Variants in SNX29 observed in about 807,000 individuals in gnomAD.
The protein encoded by SNX29 is sorting nexin-29.
Under a neutral mutation model 102.1 loss-of-function variants are expected in SNX29, and 78 were observed. The ratio of observed to expected loss-of-function variants is 0.76; its 90% CI spans 0.64 to 0.92. The LOEUF is 0.92. Ranked by LOEUF, SNX29 falls within the 40% of genes least tolerant of loss-of-function variation. SNX29 has a pLI of 0.00. For synonymous variants in SNX29, 580 were observed against 414.5 expected (o/e 1.40, Z -4.85); for missense variants, 1,280 against 1,061.7 (o/e 1.21, Z -2.86).
intron 9 of SNX29, 84 bp downstream of exon 9, chr16:12,061,730 G>T: frequency 2.4e-6 from 3 of 1,247,018 alleles, no homozygotes; most frequent in Non-Finnish European, 2.3e-6. Flanking sequence ...CCCTGGACAG[G>T]TAGGAATGGG....
intron 19 of SNX29, among the ~76,000 whole-genome samples, chr16:12,487,149 C>G (rs888402254): frequency 2.0e-5 from 3 of 152,110 alleles, no homozygotes; most frequent in Non-Finnish European, 4.4e-5. Context: ...GTAAAGTGCT[C>G]AGAACAGTGT....
intron 11 of SNX29, among the ~76,000 whole-genome samples, chr16:12,079,772 G>T (rs570199959): frequency 1.3e-5 from 2 of 152,308 alleles, no homozygotes; most frequent in South Asian, 4.1e-4. Context: ...CAGAGACCGG[G>T]ACTCCTCCTG....
intron 15 of SNX29, among the ~76,000 whole-genome samples, chr16:12,317,672 T>G: frequency 6.6e-6 from 1 of 152,236 alleles, no homozygotes; most frequent in East Asian, 1.9e-4. Flanking sequence ...TCACAGGGAC[T>G]AAGTGTGTCT....
At chr16:12,385,947 C>T (rs1291592919) in intron 16 of SNX29, among the ~76,000 whole-genome samples, 1 of 152,218 alleles carries the variant, frequency 6.6e-6, no homozygotes, top group Non-Finnish European at 1.5e-5. Context: ...CTGAGGGACA[C>T]ATCACATCTC....
chr16:12,204,707 G>T (rs891576004), intron 14 of SNX29, among the ~76,000 whole-genome samples: 2 of 152,222 alleles, frequency 1.3e-5, no homozygotes, highest in Non-Finnish European at 2.9e-5. Context: ...TTTGTTCTCA[G>T]AAACAAGCAA....
intron 14 of SNX29, among the ~76,000 whole-genome samples, chr16:12,223,437 G>C (rs904432010): frequency 6.6e-6 from 1 of 152,204 alleles, no homozygotes; most frequent in Non-Finnish European, 1.5e-5. Context: ...TGAGGAGGGT[G>C]GATCACCTGA....
chr16:12,175,955 A>C (rs193160763), intron 13 of SNX29, among the ~76,000 whole-genome samples: 28 of 152,278 alleles, frequency 1.8e-4, no homozygotes, highest in Admixed American at 3.9e-4. Context: ...ACAGTGAGCT[A>C]TGATTGTGTC....
intron 18 of SNX29, among the ~76,000 whole-genome samples, chr16:12,464,444 TC>T (rs1003991449): frequency 6.6e-5 from 10 of 152,114 alleles, no homozygotes; most frequent in African/African-American, 2.4e-4. Flanking sequence ...TTTTAAAGTT[TC>T]ATTTTATTTT....
intron 20 of SNX29, among the ~76,000 whole-genome samples, chr16:12,565,745 A>C (rs751258812): frequency 6.6e-6 from 1 of 152,008 alleles, no homozygotes; most frequent in African/African-American, 2.4e-5. Flanking sequence ...CCCCCTCCCC[A>C]TGGGCCTGCC....
intron 13 of SNX29, among the ~76,000 whole-genome samples, chr16:12,182,189 G>GTTT (rs67550670): frequency 1.1e-4 from 14 of 122,030 alleles, no homozygotes; most frequent in East Asian, 2.4e-4. Flanking sequence ...GCCCGGCCTA[G>GTTT]TTTTTTTTTT....
chr16:12,071,213 C>G (rs2051283539), intron 10 of SNX29, among the ~76,000 whole-genome samples: 1 of 152,038 alleles, frequency 6.6e-6, no homozygotes, highest in African/African-American at 2.4e-5. Context: ...GTTGCCATTG[C>G]TTTTGGTGTT....
intron 19 of SNX29, among the ~76,000 whole-genome samples, chr16:12,516,161 C>T (rs1290084752): frequency 2.6e-5 from 4 of 152,048 alleles, no homozygotes; most frequent in Non-Finnish European, 4.4e-5. Context: ...AAAGAAGAAA[C>T]GGGGTTGGTG....
chr16:12,378,669 A>T (rs1033425400), intron 16 of SNX29, among the ~76,000 whole-genome samples: 1 of 152,180 alleles, frequency 6.6e-6, no homozygotes, highest in African/African-American at 2.4e-5. Context: ...GATGAATTTC[A>T]ACATGAGGTT....
chr16:12,100,123 CTG>C lies in SNX29; in HGVS notation c.1402+21211_1402+21212del, dbSNP rs546269619. On this transcript the variant is annotated intron_variant, in intron 11 of 20. Coordinates refer to ENST00000566228, the MANE Select transcript of SNX29 (RefSeq NM_032167.5). ...GGGACTTCAAAGCCCACCTCTTAAA[CTG>C]TGAGCCCAATACCTTCTGGCTTTTC... Among the ~76,000 whole-genome samples, 52 of 152,316 alleles carry C rather than the reference CTG, an allele frequency of 3.4e-4. 1 individual carries two copies. The East Asian group carries it at 7.1e-3, about 21-fold the overall frequency.
chr16:12,091,274 T>C (rs939337018), intron 11 of SNX29, among the ~76,000 whole-genome samples: 5 of 152,012 alleles, frequency 3.3e-5, no homozygotes, highest in Admixed American at 6.5e-5. Flanking sequence ...CTCCTTGCCG[T>C]TCCTGGAGAC....
chr16:12,071,482 G>A (rs1424535532), intron 10 of SNX29, among the ~76,000 whole-genome samples: 7 of 152,020 alleles, frequency 4.6e-5, no homozygotes, highest in East Asian at 1.9e-4. Context: ...ATAGTTGTAG[G>A]TATGCGGCAT....
At chr16:12,367,975 T>A (rs889587874) in intron 16 of SNX29, among the ~76,000 whole-genome samples, 1 of 152,230 alleles carries the variant, frequency 6.6e-6, no homozygotes, top group Non-Finnish European at 1.5e-5. Context: ...AAGAAAAGCA[T>A]CTCTTTGGGC....
At position 12,551,954 on chromosome 16, in the gene SNX29, A is replaced by G. The variant is rs548082776; in HGVS notation, c.2319-16552A>G. Among the ~76,000 whole-genome samples, 9 of 152,344 alleles carry G rather than the reference A, an allele frequency of 5.9e-5. 1 individual carries two copies. The East Asian group carries it at 1.7e-3, about 29-fold the overall frequency. ...CTGTGAGGATCCAGTGAGATTCCCC[A>G]GCCAGGCTGTGCCCAACACAGTGCC... is the stretch of plus-strand genomic sequence containing the variant. On this transcript the variant is annotated intron_variant, in intron 20 of 20. Coordinates refer to ENST00000566228, the MANE Select transcript of SNX29 (RefSeq NM_032167.5).
intron 16 of SNX29, among the ~76,000 whole-genome samples, chr16:12,387,270 C>A (rs1428907933): frequency 6.6e-6 from 1 of 152,188 alleles, no homozygotes; most frequent in Non-Finnish European, 1.5e-5. Flanking sequence ...TTCCTCATCA[C>A]ACAACCGAAT....
Sources: allele counts gnomAD v4.1 joint callset (sites outside exome capture counted in the v4.1 genomes callset), GRCh38; gene constraint gnomAD v4.1.1; transcripts MANE v1.5; gene names NCBI Gene and HGNC (gene_info 2026-07-23, HGNC 2026-07-21).